WWOX: variants seen among roughly 807,000 people sequenced by gnomAD.
WWOX encodes WW domain containing oxidoreductase.
A neutral mutation model predicts 46.2 loss-of-function variants in WWOX; 69 were observed. The ratio of observed to expected loss-of-function variants is 1.49; its 90% CI spans 1.23 to 1.82. The LOEUF is 1.82. Among genes scored for constraint, WWOX ranks in the 40% most tolerant of loss-of-function variants. The pLI is 0.00. For missense variants in WWOX, 919 were observed against 542.6 expected (o/e 1.69, Z -6.89); for synonymous variants, 359 against 202.6 (o/e 1.77, Z -6.56).
intron 8 of WWOX, among the ~76,000 whole-genome samples, chr16:78,790,092 C>G (rs1020248344): frequency 6.6e-6 from 1 of 152,084 alleles, no homozygotes; most frequent in Non-Finnish European, 1.5e-5. Flanking sequence ...CATTTAATAC[C>G]TAAAATCGAG....
At chr16:78,580,812 T>TTA (rs2045032882) in intron 8 of WWOX, among the ~76,000 whole-genome samples, 1 of 152,246 alleles carries the variant, frequency 6.6e-6, no homozygotes, top group South Asian at 2.1e-4. Context: ...ATGGCCTTCA[T>TTA]TAGAATGAAT....
intron 8 of WWOX, among the ~76,000 whole-genome samples, chr16:79,188,373 G>C (rs555698909): frequency 6.6e-6 from 1 of 152,016 alleles, no homozygotes; most frequent in Non-Finnish European, 1.5e-5. Context: ...CCTTGCAAAT[G>C]CTCTCTCTCT....
intron 5 of WWOX, among the ~76,000 whole-genome samples, chr16:78,164,706 A>G (rs966875016): frequency 8.5e-5 from 13 of 152,238 alleles, no homozygotes; most frequent in African/African-American, 2.7e-4. Context: ...ACGTGTCTAC[A>G]TAAATATTTA....
At chr16:79,049,924 C>G (rs1445989515) in intron 8 of WWOX, among the ~76,000 whole-genome samples, 1 of 151,364 alleles carries the variant, frequency 6.6e-6, no homozygotes, top group Non-Finnish European at 1.5e-5. Flanking sequence ...GTGGTAAAAG[C>G]ATGTGGTTCC....
chr16:78,353,548 T>C (rs1312041450), intron 5 of WWOX, among the ~76,000 whole-genome samples: 1 of 152,230 alleles, frequency 6.6e-6, no homozygotes, highest in Non-Finnish European at 1.5e-5. Context: ...CCAAAGACTT[T>C]CTGAAATAAT....
At chr16:78,738,737 T>C (rs2049146815) in intron 8 of WWOX, among the ~76,000 whole-genome samples, 1 of 152,134 alleles carries the variant, frequency 6.6e-6, no homozygotes, top group Admixed American at 6.5e-5. Flanking sequence ...CAGGTGTGAA[T>C]GCGAACAGAG....
intron 5 of WWOX, among the ~76,000 whole-genome samples, chr16:78,316,097 A>C (rs965294521): frequency 6.6e-6 from 1 of 151,178 alleles, no homozygotes; most frequent in Non-Finnish European, 1.5e-5. Context: ...AATAAAAAAA[A>C]AATCAGGCAT....
chr16:78,763,069 A>G (rs1030412666), intron 8 of WWOX, among the ~76,000 whole-genome samples: 1 of 152,172 alleles, frequency 6.6e-6, no homozygotes, highest in Non-Finnish European at 1.5e-5. Context: ...TATTGCAATA[A>G]AGCAGATTTT....
chr16:78,646,616 C>G (rs949778875), intron 8 of WWOX, among the ~76,000 whole-genome samples: 4 of 152,128 alleles, frequency 2.6e-5, no homozygotes, highest in African/African-American at 7.2e-5. Flanking sequence ...TTAGTAGAGA[C>G]TAGGTTTCAC....
intron 8 of WWOX, among the ~76,000 whole-genome samples, chr16:78,772,705 G>A (rs2050093619): frequency 6.6e-6 from 1 of 152,158 alleles, no homozygotes; most frequent in Non-Finnish European, 1.5e-5. Context: ...TCCACAGGAG[G>A]GGAACAGAGG....
At chr16:78,363,375 G>C (rs2081455378) in intron 5 of WWOX, among the ~76,000 whole-genome samples, 1 of 151,866 alleles carries the variant, frequency 6.6e-6, no homozygotes. Context: ...CCAAGCTCCA[G>C]TGATTTTCCT....
At chr16:78,963,242 G>C (rs1345149068) in intron 8 of WWOX, among the ~76,000 whole-genome samples, 4 of 152,172 alleles carry the variant, frequency 2.6e-5, no homozygotes, top group Non-Finnish European at 5.9e-5. Context: ...GCAGAGGTGA[G>C]AGGATTCCTT....
intron 8 of WWOX, among the ~76,000 whole-genome samples, chr16:78,713,059 C>G (rs1336838553): frequency 1.3e-5 from 2 of 151,808 alleles, no homozygotes; most frequent in Non-Finnish European, 2.9e-5. Context: ...TGCTTGAGCC[C>G]AGGAGATCGA....
At chr16:78,371,657 T>G (rs1567531865) in intron 5 of WWOX, among the ~76,000 whole-genome samples, 1 of 152,204 alleles carries the variant, frequency 6.6e-6, no homozygotes, top group Non-Finnish European at 1.5e-5. Flanking sequence ...TAATTATTTT[T>G]CCCTTTATGC....
intron 5 of WWOX, among the ~76,000 whole-genome samples, chr16:78,338,306 C>A (rs1187938763): frequency 8.2e-6 from 1 of 121,666 alleles, no homozygotes; most frequent in African/African-American, 2.8e-5. Context: ...CCAACACCCT[C>A]ATGGATTCCC....
At chr16:78,995,241 C>G (rs1257224142) in intron 8 of WWOX, among the ~76,000 whole-genome samples, 8 of 152,066 alleles carry the variant, frequency 5.3e-5, no homozygotes, top group Non-Finnish European at 1.2e-4. Context: ...ATGCCCAATC[C>G]TTGCACTGAA....
chr16:78,872,187 C>T (rs1597088838), intron 8 of WWOX, among the ~76,000 whole-genome samples: 2 of 152,158 alleles, frequency 1.3e-5, no homozygotes. Context: ...CAGTGCAACC[C>T]ATAGAACCAG....
At chr16:78,662,921 G>A (rs1365287790) in intron 8 of WWOX, among the ~76,000 whole-genome samples, 2 of 152,192 alleles carry the variant, frequency 1.3e-5, no homozygotes, top group Non-Finnish European at 1.5e-5. Flanking sequence ...GAGAGTGCAA[G>A]AATTGGTGAG....
chr16:78,968,095 A>ATGGTCCGCG (rs2046397201), intron 8 of WWOX, among the ~76,000 whole-genome samples: 1 of 130,524 alleles, frequency 7.7e-6, no homozygotes, highest in African/African-American at 3.0e-5. Context: ...CATGGTCCGC[A>ATGGTCCGCG]TGGCACAGCG....
Sources: gnomAD v4.1 joint callset for allele counts (sites outside exome capture counted in the v4.1 genomes callset) on GRCh38, gnomAD v4.1.1 for gene constraint, MANE v1.5 for transcripts, NCBI Gene and HGNC (gene_info 2026-07-23, HGNC 2026-07-21) for gene names.